Variants in PTPRD observed in about 807,000 individuals in gnomAD.
The protein encoded by PTPRD is protein tyrosine phosphatase receptor type D.
A neutral mutation model predicts 214.5 loss-of-function variants in PTPRD; 34 were observed. The observed-to-expected ratio is 0.16, with a 90% CI of 0.12 to 0.21. PTPRD has a LOEUF of 0.21. Ranked by LOEUF, PTPRD falls within the 10% of genes least tolerant of loss-of-function variation. PTPRD has a pLI of 1.00. For missense variants in PTPRD, 2,545 were observed against 2,398.7 expected (o/e 1.06, Z -1.27); for synonymous variants, 1,128 against 845.7 (o/e 1.33, Z -5.79).
chr9:8,425,598 T>C (rs968769062), intron 35 of PTPRD, among the ~76,000 whole-genome samples: 13 of 152,204 alleles, frequency 8.5e-5, no homozygotes, highest in South Asian at 2.1e-4. Context: ...ATGGGTACTC[T>C]GGGAAGACTC....
chr9:8,756,398 T>C (rs2093989927), intron 11 of PTPRD, among the ~76,000 whole-genome samples: 1 of 152,316 alleles, frequency 6.6e-6, no homozygotes, highest in Non-Finnish European at 1.5e-5. Flanking sequence ...TGTGTGAAAG[T>C]ACATATATGT....
intron 4 of PTPRD, among the ~76,000 whole-genome samples, chr9:9,940,441 C>T (rs986969578): frequency 8.5e-5 from 13 of 152,064 alleles, no homozygotes; most frequent in African/African-American, 2.4e-4. Flanking sequence ...AAAGGAAAAA[C>T]GGAAGAGATC....
chr9:8,973,892 GC>G (rs1310046614), intron 11 of PTPRD, among the ~76,000 whole-genome samples: 1 of 151,820 alleles, frequency 6.6e-6, no homozygotes, highest in African/African-American at 2.4e-5. Flanking sequence ...TGTGTCTTTT[GC>G]CCACTTTTAA....
At chr9:9,320,798 A>G (rs1040784343) in intron 9 of PTPRD, among the ~76,000 whole-genome samples, 2 of 152,180 alleles carry the variant, frequency 1.3e-5, no homozygotes, top group African/African-American at 4.8e-5. Flanking sequence ...ATACCTCTAC[A>G]TATTTGGGAG....
At chr9:8,488,571 T>C (rs1393685903) in intron 27 of PTPRD, among the ~76,000 whole-genome samples, 1 of 152,208 alleles carries the variant, frequency 6.6e-6, no homozygotes, top group Non-Finnish European at 1.5e-5. Context: ...TCCAGAGATC[T>C]TAACGACCAA....
chr9:8,791,075 C>T lies in PTPRD; in HGVS notation c.-103-57129G>A, dbSNP rs115299341. 3.6e-3 allele frequency among the ~76,000 whole-genome samples: 545 copies of T among 152,226 alleles called. 2 individuals are homozygous for T. Among genetic ancestry groups the T allele is most frequent in the African/African-American group, 0.012 (485 of 41,538 alleles). ...GATTACATCAGGATTTTTAAGGCAA[C>T]TGGCTTCTATGGAGAGAGTGAACTA... On this transcript the variant is annotated intron_variant, in intron 11 of 45. Coordinates refer to ENST00000381196, the MANE Select transcript of PTPRD (RefSeq NM_002839.4).
At chr9:9,752,311 G>A (rs1297499242) in intron 6 of PTPRD, among the ~76,000 whole-genome samples, 1 of 152,032 alleles carries the variant, frequency 6.6e-6, no homozygotes, top group Non-Finnish European at 1.5e-5. Context: ...CGATATTTAA[G>A]TAATTCATTA....
intron 12 of PTPRD, among the ~76,000 whole-genome samples, chr9:8,668,884 G>A (rs1279981382): frequency 6.6e-6 from 1 of 152,134 alleles, no homozygotes; most frequent in Non-Finnish European, 1.5e-5. Flanking sequence ...AGAAGCTTGT[G>A]GGAACAATTA....
chr9:9,950,444 G>GATCAAACTATCTTTTATACCCCTGAAT (rs1586923741), intron 4 of PTPRD, among the ~76,000 whole-genome samples: 5 of 96,214 alleles, frequency 5.2e-5, no homozygotes, highest in South Asian at 3.1e-4. Context: ...GAAAGTGGAG[G>GATCAAACTATCTTTTATACCCCTGAAT]CCGGGCGCGG....
intron 2 of PTPRD, among the ~76,000 whole-genome samples, chr9:10,570,759 G>C (rs369654977): frequency 4.6e-5 from 7 of 152,104 alleles, no homozygotes; most frequent in African/African-American, 1.7e-4. Context: ...CACTACACTG[G>C]AGATTAAGGG....
intron 2 of PTPRD, among the ~76,000 whole-genome samples, chr9:10,483,444 A>T (rs562796882): frequency 6.6e-6 from 1 of 152,138 alleles, no homozygotes; most frequent in South Asian, 2.1e-4. Flanking sequence ...CTTAAACTAA[A>T]AAAGTTTCTG....
intron 9 of PTPRD, among the ~76,000 whole-genome samples, chr9:9,320,300 G>A (rs1965832571): frequency 6.6e-6 from 1 of 151,944 alleles, no homozygotes; most frequent in Non-Finnish European, 1.5e-5. Context: ...ACAATACGGA[G>A]AAGAAGGTGG....
At chr9:8,575,262 A>G (rs571401823) in intron 14 of PTPRD, among the ~76,000 whole-genome samples, 1 of 152,244 alleles carries the variant, frequency 6.6e-6, no homozygotes, top group Non-Finnish European at 1.5e-5. Flanking sequence ...AGGCGATTAT[A>G]TATTTATATA....
chr9:8,871,035 CTG>C (rs767628584), intron 11 of PTPRD, among the ~76,000 whole-genome samples: 5 of 152,182 alleles, frequency 3.3e-5, no homozygotes, highest in Non-Finnish European at 5.9e-5. Context: ...TCCCTGTTTT[CTG>C]TCTTATACTC....
intron 11 of PTPRD, among the ~76,000 whole-genome samples, chr9:8,849,198 C>T (rs962465737): frequency 6.7e-5 from 7 of 104,542 alleles, no homozygotes; most frequent in South Asian, 3.6e-4. Context: ...TTTTTTGAGA[C>T]GGAGTCTCGC....
chr9:8,487,781 G>C (rs1044145388), intron 27 of PTPRD, among the ~76,000 whole-genome samples: 3 of 152,088 alleles, frequency 2.0e-5, no homozygotes, highest in African/African-American at 4.8e-5. Flanking sequence ...CTGCACTCCA[G>C]CCTGGGCAAC....
At chr9:8,919,959 C>G (rs367707004) in intron 11 of PTPRD, among the ~76,000 whole-genome samples, 1 of 149,120 alleles carries the variant, frequency 6.7e-6, no homozygotes, top group Non-Finnish European at 1.5e-5. Flanking sequence ...TGTATGTATA[C>G]GTGTGTATGC....
At chr9:8,545,252 C>T (rs535049402) in intron 14 of PTPRD, among the ~76,000 whole-genome samples, 1 of 152,080 alleles carries the variant, frequency 6.6e-6, no homozygotes, top group Non-Finnish European at 1.5e-5. Context: ...TATATTTTGT[C>T]CTTGACAAAG....
intron 9 of PTPRD, among the ~76,000 whole-genome samples, chr9:9,384,865 G>T (rs564730195): frequency 6.6e-6 from 1 of 151,984 alleles, no homozygotes; most frequent in African/African-American, 2.4e-5. Context: ...CATTAGAAAA[G>T]AAAGTGCCTC....
Sources: allele counts gnomAD v4.1 joint callset (sites outside exome capture counted in the v4.1 genomes callset), GRCh38; gene constraint gnomAD v4.1.1; transcripts MANE v1.5; gene names NCBI Gene and HGNC (gene_info 2026-07-23, HGNC 2026-07-21).